The following COPA variants were observed in gnomAD, a reference collection of about 807,000 sequenced individuals.
COPA encodes the protein coat protein complex I subunit alpha.
COPA carries 10 observed loss-of-function variants against 158.7 expected under a neutral mutation model. The ratio of observed to expected loss-of-function variants is 0.06; its 90% CI spans 0.04 to 0.11. The LOEUF (loss-of-function observed/expected upper bound fraction) is 0.11, where lower values mean the gene tolerates loss of function less well. Ranked by LOEUF, COPA falls within the 10% of genes least tolerant of loss-of-function variation. The pLI is 1.00. For missense variants in COPA, 1,065 were observed against 1,536.7 expected (o/e 0.69, Z 5.13); for synonymous variants, 462 against 542.8 (o/e 0.85, Z 2.07).
At position 160,292,633 on chromosome 1, in the gene COPA, G is replaced by T; in HGVS notation, c.2824-13C>A. The T allele has an allele frequency of 6.4e-7, 1 of 1,571,524 alleles. No homozygotes were observed. Among genetic ancestry groups the T allele is most frequent in the Non-Finnish European group, 8.6e-7 (1 of 1,162,258 alleles). ...GGTCATGAAGGAGCTGGAACAGAAG[G>T]AAAGAAACAAGGATTTTGGCCCTGC... On this transcript the variant is annotated splice_polypyrimidine_tract_variant and intron_variant, in intron 27 of 32. Transcript: ENST00000241704.
Position 160,294,834 on chromosome 1 carries a change from C to A in COPA, c.2500G>T (p.Asp834Tyr). 1 of 1,614,138 alleles carries A rather than the reference C, an allele frequency of 6.2e-7. No individual in the cohort carries two copies. Among genetic ancestry groups the A allele is most frequent in the Non-Finnish European group, 8.5e-7 (1 of 1,180,014 alleles). ...SKGKGGALAA[D>Y]IDIDTVGTEG... Reference sequence around the variant, plus strand: ...GTACCAACAGTGTCAATGTCAATGTCAGCAGCCAGTGCTCCTCCCTTCCCT... The same window carrying A: ...GTACCAACAGTGTCAATGTCAATGTAAGCAGCCAGTGCTCCTCCCTTCCCT... The change falls in exon 24 of 33, where the codon GAC becomes TAC. Residue 834 changes from aspartate (D) to tyrosine (Y), a missense_variant. Coordinates refer to ENST00000241704, the MANE Select transcript of COPA (RefSeq NM_004371.4).
In COPA at chr1:160,295,158, C is replaced by T. The variant is rs145285814; in HGVS notation, c.2477-301G>A. Among the ~76,000 whole-genome samples, 498 of 152,246 alleles carry T rather than the reference C, an allele frequency of 3.3e-3. 1 individual carries two copies. Among genetic ancestry groups the T allele is most frequent in the Admixed American group, 4.8e-3 (74 of 15,286 alleles). Reference sequence around the variant, plus strand: ...ACCAACTCTTGAATTTCTTCCTGAGCGCTTTGCTAAGCTACCACCACTACA... The same window carrying T: ...ACCAACTCTTGAATTTCTTCCTGAGTGCTTTGCTAAGCTACCACCACTACA... On this transcript the variant is annotated intron_variant, in intron 23 of 32. Transcript: ENST00000241704.
intron 6 of COPA, 56 bp from the exon 7 acceptor site, chr1:160,325,708 G>T (rs548649692): frequency 1.6e-6 from 2 of 1,238,380 alleles, no homozygotes; most frequent in Non-Finnish European, 2.4e-6. Context: ...ATCTAAAACA[G>T]CACAGTATCA....
At chr1:160,327,533 T>A (rs745387690) in intron 6 of COPA, among the ~76,000 whole-genome samples, 1 of 148,638 alleles carries the variant, frequency 6.7e-6, no homozygotes, top group Non-Finnish European at 1.5e-5. Context: ...TACTCCAGCC[T>A]GGGCGAAAGA....
Position 160,343,177 on chromosome 1 carries a change from G to C in COPA, c.-7C>G, listed in dbSNP as rs557528541. The C allele has an allele frequency of 1.2e-6, 2 of 1,614,114 alleles. No individual in the cohort carries two copies. The highest frequency in any genetic ancestry group is 2.7e-5 in the African/African-American group (2 of 75,010). On this transcript the variant is annotated 5_prime_UTR_variant, in exon 1 of 33. Coordinates refer to ENST00000241704, the MANE Select transcript of COPA (RefSeq NM_004371.4). ...TCTCGAATTTGGTTAACATCTCTCA[G>C]GTCTCCGACTCCGATGTCTTAATCC...
At chr1:160,313,280 G>T in intron 9 of COPA, 113 bp from the exon 10 acceptor site, 1 of 884,952 alleles carries the variant, frequency 1.1e-6, no homozygotes, top group Non-Finnish European at 1.8e-6. Flanking sequence ...AAATCAGGGA[G>T]AGTAAACTGC....
intron 12 of COPA, 100 bp from the exon 13 acceptor site, chr1:160,309,276 A>G: frequency 1.2e-6 from 1 of 854,554 alleles, no homozygotes; most frequent in Non-Finnish European, 1.9e-6. Flanking sequence ...TTGCACAGAC[A>G]CCAATCTGAA....
chr1:160,290,427 C>T (rs1358082932), intron 32 of COPA, 65 bp downstream of exon 32: 6 of 1,543,182 alleles, frequency 3.9e-6, no homozygotes, highest in Middle Eastern at 3.5e-4. Context: ...AAAAGGACCA[C>T]CATGTTTCTT....
At chr1:160,290,454 T>C (rs771567227) in intron 32 of COPA, 38 bp downstream of exon 32, 3 of 1,590,266 alleles carry the variant, frequency 1.9e-6, no homozygotes, top group South Asian at 1.1e-5. Flanking sequence ...TCCCCTTCGC[T>C]CAATATCCTA....
intron 8 of COPA, among the ~76,000 whole-genome samples, chr1:160,315,177 C>T (rs1003279460): frequency 2.0e-5 from 3 of 152,170 alleles, no homozygotes; most frequent in Non-Finnish European, 4.4e-5. Context: ...CCTCCCCCAA[C>T]TCATGGTTTC....
At chr1:160,311,622 C>A (rs918068782) in intron 11 of COPA, among the ~76,000 whole-genome samples, 7 of 151,822 alleles carry the variant, frequency 4.6e-5, no homozygotes, top group Non-Finnish European at 8.8e-5. Flanking sequence ...GTGGCGGGCG[C>A]CTGTAGTCCC....
intron 5 of COPA, 93 bp downstream of exon 5, chr1:160,333,510 T>C: frequency 1.1e-6 from 1 of 885,544 alleles, no homozygotes; most frequent in Non-Finnish European, 1.8e-6. Flanking sequence ...ACATAGTCCA[T>C]TTGAGAAGGG....
chr1:160,291,312 G>T, intron 31 of COPA, 23 bp downstream of exon 31: 2 of 1,612,262 alleles, frequency 1.2e-6, no homozygotes, highest in Non-Finnish European at 1.7e-6. Context: ...CTTCCCTATG[G>T]TCACTGAAGG....
intron 6 of COPA, 81 bp downstream of exon 6, chr1:160,332,367 G>A (rs1053755498): frequency 1.0e-4 from 86 of 855,324 alleles, no homozygotes; most frequent in Non-Finnish European, 1.5e-4. Context: ...CCAGTTCTAA[G>A]TCAACTCTCC....
At chr1:160,317,319 A>C in intron 8 of COPA, 5 of 1,262,628 alleles carry the variant, frequency 4.0e-6, no homozygotes, top group Non-Finnish European at 4.6e-6. Context: ...GGAAGGGAGA[A>C]GGATTTGTAA....
At chr1:160,314,404 G>A (rs1159021316) in intron 8 of COPA, among the ~76,000 whole-genome samples, 2 of 152,070 alleles carry the variant, frequency 1.3e-5, no homozygotes, top group African/African-American at 4.8e-5. Context: ...TAAGGTAGGG[G>A]GATCACTTGA....
At chr1:160,317,900 A>G (rs1478754383) in intron 8 of COPA, among the ~76,000 whole-genome samples, 1 of 152,182 alleles carries the variant, frequency 6.6e-6, no homozygotes. Context: ...ATCAAGCCTC[A>G]GTCCCCTTCA....
At chr1:160,290,900 T>A (rs1026739329) in intron 31 of COPA, among the ~76,000 whole-genome samples, 2 of 152,228 alleles carry the variant, frequency 1.3e-5, no homozygotes, top group African/African-American at 4.8e-5. Flanking sequence ...AGTGGCTCCA[T>A]AATCTAGACC....
intron 3 of COPA, among the ~76,000 whole-genome samples, chr1:160,337,748 AC>A (rs1230859745): frequency 1.3e-5 from 2 of 151,984 alleles, no homozygotes; most frequent in Admixed American, 6.6e-5. Flanking sequence ...AAACAAACAA[AC>A]AAAAAACAAA....
Sources: allele counts gnomAD v4.1 joint callset (sites outside exome capture counted in the v4.1 genomes callset), GRCh38; gene constraint gnomAD v4.1.1; transcripts MANE v1.5; gene names NCBI Gene and HGNC (gene_info 2026-07-23, HGNC 2026-07-21).